NFATC1: variants seen among roughly 807,000 people sequenced by gnomAD.
NFATC1 encodes the protein nuclear factor of activated T cells 1, also known as nuclear factor of activated T-cells, cytoplasmic 1.
A neutral mutation model predicts 76.0 loss-of-function variants in NFATC1; 22 were observed. The ratio of observed to expected loss-of-function variants is 0.29; its 90% CI spans 0.21 to 0.41. The LOEUF (loss-of-function observed/expected upper bound fraction) is 0.41, where lower values mean the gene tolerates loss of function less well. Ranked by LOEUF, NFATC1 falls within the 10% of genes least tolerant of loss-of-function variation. The pLI is 1.00. For missense variants in NFATC1, 1,357 were observed against 1,337.7 expected (o/e 1.01, Z -0.23); for synonymous variants, 704 against 613.1 (o/e 1.15, Z -2.19).
chr18:79,448,414 C>T, intron 3 of NFATC1: 2 of 292,050 alleles, frequency 6.8e-6, no homozygotes, highest in South Asian at 4.1e-5. Flanking sequence ...GGGTCATGTC[C>T]TGCGGGGCCT....
At chr18:79,494,711 C>A (rs111764982) in intron 9 of NFATC1, among the ~76,000 whole-genome samples, 134 of 72,250 alleles carry the variant, frequency 1.9e-3, no homozygotes, top group Non-Finnish European at 2.9e-3. Context: ...AACCTGGTAC[C>A]GCCGGGGGAA....
chr18:79,396,503 G>T, intron 1 of NFATC1, 152 bp downstream of exon 1: 1 of 377,658 alleles, frequency 2.6e-6, no homozygotes, highest in Non-Finnish European at 4.0e-6. Context: ...GCGCGGCGCG[G>T]ACCGGGAACG....
intron 6 of NFATC1, among the ~76,000 whole-genome samples, chr18:79,459,047 A>G (rs968315558): frequency 1.3e-5 from 2 of 152,232 alleles, no homozygotes; most frequent in African/African-American, 2.4e-5. Context: ...CCCACCTCCA[A>G]GAGGGAAGGC....
Position 79,410,258 on chromosome 18 carries a change from G to A in NFATC1, c.128-145G>A. 7.5e-7 allele frequency: 1 copy of A among 1,333,452 alleles called. No homozygotes were observed. The highest frequency in any genetic ancestry group is 1.4e-5 in the South Asian group (1 of 73,498). The allele number at this position is 1,333,452 out of a possible 1,614,324, so 82.6% of individuals were successfully genotyped here. On this transcript the variant is annotated intron_variant, in intron 1 of 9. Transcript: ENST00000427363. The surrounding 1 kb of genome is among the most constrained non-coding windows in gnomAD (Gnocchi z 6.7). ...CCAAGTCGCCCGGAGCTGTCCGGCA[G>A]CGTGGTCTCAGGGACGTTTGCTGAG...
At chr18:79,466,979 TC>T (rs1216755736) in intron 7 of NFATC1, among the ~76,000 whole-genome samples, 1 of 152,208 alleles carries the variant, frequency 6.6e-6, no homozygotes, top group African/African-American at 2.4e-5. Flanking sequence ...TCCCCGCCAG[TC>T]CCCTTGCCCA....
rs1360404514 is a variant in NFATC1, at chr18:79,464,644, GTGTT to G, written c.1960-2802_1960-2799del. Among the ~76,000 whole-genome samples, 15 of 119,714 alleles carry G rather than the reference GTGTT, an allele frequency of 1.3e-4. 1 individual carries two copies. The highest frequency in any genetic ancestry group is 2.5e-4 in the Non-Finnish European group (15 of 60,036). The allele number at this position is 119,714 out of a possible 152,430, so 78.5% of individuals were successfully genotyped here. A position where few individuals can be genotyped will look rare whatever the true frequency, so the allele number is the denominator to read the frequency against. ...AGAGTACATTATATTGTGGATATAT[GTGTT>G]TGTGTGTGTGTGTGTGTGTGTGTAT... On this transcript the variant is annotated intron_variant, in intron 7 of 9. Transcript: ENST00000427363.
intron 9 of NFATC1, among the ~76,000 whole-genome samples, chr18:79,518,236 G>A (rs975110101): frequency 3.9e-5 from 6 of 152,322 alleles, no homozygotes; most frequent in East Asian, 1.9e-4. Flanking sequence ...TTTTCCCATC[G>A]CTTTCCCGGT....
intron 9 of NFATC1, among the ~76,000 whole-genome samples, chr18:79,503,449 AAT>A (rs2090055138): frequency 6.6e-6 from 1 of 152,216 alleles, no homozygotes; most frequent in African/African-American, 2.4e-5. Flanking sequence ...CGTGAGCAGT[AAT>A]ATTATTAAAG....
chr18:79,480,114 G>C (rs1315788595), intron 8 of NFATC1, among the ~76,000 whole-genome samples: 1 of 152,242 alleles, frequency 6.6e-6, no homozygotes, highest in African/African-American at 2.4e-5. Flanking sequence ...AAGGGACCTG[G>C]ACTGGCTCTC....
rs781034255 is a variant in NFATC1 at position 79,486,701 on chromosome 18, C to T, written c.2546C>T (p.Pro849Leu). 1.4e-5 allele frequency: 22 copies of T among 1,598,936 alleles called. No individual in the cohort carries two copies. Among genetic ancestry groups the T allele is most frequent in the Admixed American group, 3.4e-5 (2 of 59,074 alleles). ...EHSLCPSSPS[P>L]PLPPATQEPT... ...TCGCTCTGCCCCAGCAGCCCCTCTC[C>T]TCCACTCCCGCCTGCCACCCAAGAG... The change falls in exon 9 of 10, where the codon CCT (proline) becomes CTT (leucine). Residue 849 changes from proline (P) to leucine (L), a missense_variant. This residue lies in a region of NFATC1 where 424 missense variants were observed against 395.4 expected (regional missense o/e 1.07). Transcript: ENST00000427363.
At chr18:79,504,606 T>G (rs1175915387) in intron 9 of NFATC1, among the ~76,000 whole-genome samples, 1 of 152,226 alleles carries the variant, frequency 6.6e-6, no homozygotes, top group Non-Finnish European at 1.5e-5. Flanking sequence ...GACACAGAGA[T>G]ATGAAGTGGG....
rs776080890 is a variant in NFATC1 at position 79,396,233 on chromosome 18, C to T, written c.9C>T (p.Ser3=). Reference sequence around the variant, plus strand: ...CCGCCGCCGCCGCGCGGATGCCAAGCACCAGCTTTCCAGTCCCTTCCAAGT... The same window carrying T: ...CCGCCGCCGCCGCGCGGATGCCAAGTACCAGCTTTCCAGTCCCTTCCAAGT... The part of the protein sequence containing the change: MP[S]TSFPVPSKFP... Residue 3 remains serine (S), a synonymous_variant, in exon 1 of 10, where the codon AGC becomes AGT. Transcript: ENST00000427363. 6.7e-7 allele frequency: 1 copy of T among 1,493,296 alleles called. No homozygotes were observed. Among genetic ancestry groups the T allele is most frequent in the Non-Finnish European group, 9.0e-7 (1 of 1,114,450 alleles). 92.5% of individuals were successfully genotyped at this position (1,493,296 alleles called of 1,614,324 possible).
At chr18:79,435,189 T>G (rs1287961991) in intron 3 of NFATC1, among the ~76,000 whole-genome samples, 1 of 152,144 alleles carries the variant, frequency 6.6e-6, no homozygotes, top group Admixed American at 6.5e-5. Context: ...TCCACCCTAT[T>G]TGCTGTAAAT....
rs188249804 is a variant in NFATC1 at position 79,481,644 on chromosome 18, G to A, written c.2093-4604G>A. ...AAGGCCTGTGCACCTTCTTCAGCCC[G>A]AACTAAGGAGAATGTGCGGGACTGA... On this transcript the variant is annotated intron_variant, in intron 8 of 9. Coordinates refer to ENST00000427363, the MANE Select transcript of NFATC1 (RefSeq NM_001278669.2). Among the ~76,000 whole-genome samples, 11 of 152,362 alleles carry A rather than the reference G, an allele frequency of 7.2e-5. No individual in the cohort carries two copies. The East Asian group carries it at 1.5e-3, about 21-fold the overall frequency.
chr18:79,482,373 GTGGTCCTGGGGTGTCACTCCAGCA>G (rs1569016112), intron 8 of NFATC1, among the ~76,000 whole-genome samples: 9 of 73,664 alleles, frequency 1.2e-4, no homozygotes, highest in African/African-American at 4.5e-4. Context: ...CCAGTGTGAC[GTGGTCCTGGGGTGTCACTCCAGCA>G]TGACCTGGTT....
intron 9 of NFATC1, among the ~76,000 whole-genome samples, chr18:79,488,662 T>C (rs1242289129): frequency 6.6e-6 from 1 of 152,212 alleles, no homozygotes; most frequent in African/African-American, 2.4e-5. Context: ...TGAGCACAGA[T>C]GGACTCTGCC....
chr18:79,466,947 A>G (rs8099716), intron 7 of NFATC1, among the ~76,000 whole-genome samples: 62,087 of 152,048 alleles, frequency 0.41, 14,620 homozygotes, highest in African/African-American at 0.66. Flanking sequence ...CTTTGGCATC[A>G]GAGCAGGCAG....
At chr18:79,425,419 C>T (rs1305533662) in intron 2 of NFATC1, among the ~76,000 whole-genome samples, 2 of 152,262 alleles carry the variant, frequency 1.3e-5, no homozygotes, top group Non-Finnish European at 2.9e-5. Context: ...GAAGCTGCTC[C>T]TGTGGAGTCC....
At chr18:79,505,715 G>A (rs867121092) in intron 9 of NFATC1, among the ~76,000 whole-genome samples, 5 of 142,594 alleles carry the variant, frequency 3.5e-5, no homozygotes, top group East Asian at 4.1e-4. Flanking sequence ...AGGCCCTTGG[G>A]TGAGGGAAGA....
Sources: allele counts gnomAD v4.1 joint callset (sites outside exome capture counted in the v4.1 genomes callset), GRCh38; gene constraint gnomAD v4.1.1; regional missense constraint gnomAD v4.1.1; non-coding constraint Gnocchi (gnomAD v3.1); transcripts MANE v1.5; gene names NCBI Gene and HGNC (gene_info 2026-07-23, HGNC 2026-07-21).